Variants in MALRD1 observed in about 807,000 individuals in gnomAD.
MALRD1 encodes MAM and LDL-receptor class A domain-containing protein 1.
MALRD1 carries 247 observed loss-of-function variants against 242.1 expected under a neutral mutation model. That is an observed-to-expected ratio of 1.02 (90% confidence interval 0.92 to 1.13). The LOEUF (loss-of-function observed/expected upper bound fraction) is 1.13, where lower values mean the gene tolerates loss of function less well. MALRD1 is among the 50% of genes most tolerant of loss of function. MALRD1 has a pLI of 0.00. For synonymous variants in MALRD1, 995 were observed against 866.6 expected (o/e 1.15, Z -2.60); for missense variants, 2,989 against 2,533.1 (o/e 1.18, Z -3.86).
chr10:19,684,094 C>T (rs562277805), intron 36 of MALRD1, among the ~76,000 whole-genome samples: 26 of 152,232 alleles, frequency 1.7e-4, no homozygotes, highest in Non-Finnish European at 3.1e-4. Context: ...GCTTCATCCA[C>T]GTTCCTGAAA....
intron 5 of MALRD1, among the ~76,000 whole-genome samples, chr10:19,108,388 T>TAA (rs1564396494): frequency 2.6e-4 from 2 of 7,782 alleles, no homozygotes; most frequent in African/African-American, 3.8e-3. Context: ...TTGTTTTTTC[T>TAA]TTTTTTTTTT....
intron 25 of MALRD1, among the ~76,000 whole-genome samples, chr10:19,350,149 T>A (rs1262290936): frequency 6.6e-6 from 1 of 151,996 alleles, no homozygotes; most frequent in East Asian, 1.9e-4. Context: ...CTTCATCTTG[T>A]GGAATACCTT....
intron 18 of MALRD1, among the ~76,000 whole-genome samples, chr10:19,214,324 G>C (rs182006116): frequency 2.4e-4 from 37 of 152,282 alleles, no homozygotes; most frequent in African/African-American, 8.7e-4. Context: ...GGCTCACCTT[G>C]TTTGAGACTG....
intron 24 of MALRD1, among the ~76,000 whole-genome samples, chr10:19,332,175 T>TG (rs1843405163): frequency 7.7e-5 from 2 of 26,072 alleles, no homozygotes; most frequent in Non-Finnish European, 8.6e-5. Flanking sequence ...GAAATAAATG[T>TG]TGTTTTTTTT....
At chr10:19,610,555 A>G (rs1838849194) in intron 35 of MALRD1, among the ~76,000 whole-genome samples, 1 of 151,990 alleles carries the variant, frequency 6.6e-6, no homozygotes, top group South Asian at 2.1e-4. Flanking sequence ...CTAGGTGTAT[A>G]TATCTCTTCA....
intron 21 of MALRD1, among the ~76,000 whole-genome samples, chr10:19,293,309 A>T (rs979141617): frequency 3.3e-5 from 5 of 152,216 alleles, no homozygotes; most frequent in Non-Finnish European, 7.3e-5. Context: ...CACCAAATGC[A>T]AGTATGTAGT....
At chr10:19,480,151 G>A (rs1005018184) in intron 29 of MALRD1, among the ~76,000 whole-genome samples, 5 of 152,202 alleles carry the variant, frequency 3.3e-5, no homozygotes, top group African/African-American at 1.2e-4. Flanking sequence ...GATGCTTATC[G>A]TGAGATTGCT....
intron 26 of MALRD1, among the ~76,000 whole-genome samples, chr10:19,382,075 T>G (rs1457034754): frequency 6.6e-6 from 1 of 152,158 alleles, no homozygotes; most frequent in Non-Finnish European, 1.5e-5. Flanking sequence ...CTCCAGTCTA[T>G]ACCCTTAATG....
chr10:19,482,978 A>G (rs1241791524), intron 29 of MALRD1, among the ~76,000 whole-genome samples: 1 of 152,058 alleles, frequency 6.6e-6, no homozygotes, highest in East Asian at 1.9e-4. Flanking sequence ...AAGAGCCCAA[A>G]TAGCCAGAGT....
At chr10:19,238,841 A>G (rs1330921572) in intron 18 of MALRD1, among the ~76,000 whole-genome samples, 1 of 151,396 alleles carries the variant, frequency 6.6e-6, no homozygotes, top group African/African-American at 2.4e-5. Context: ...AATCCCATCA[A>G]CAGTGTGTAA....
chr10:19,454,840 C>T (rs1835561327), intron 29 of MALRD1, among the ~76,000 whole-genome samples: 1 of 151,894 alleles, frequency 6.6e-6, no homozygotes, highest in Admixed American at 6.6e-5. Flanking sequence ...ATATTTCTTT[C>T]TTACTTTCTA....
At chr10:19,498,362 C>A in intron 30 of MALRD1, 123 bp from the exon 31 acceptor site, 1 of 823,052 alleles carries the variant, frequency 1.2e-6, no homozygotes, top group Non-Finnish European at 1.9e-6. Context: ...TGTCTTGATG[C>A]TGTAAGTGTA....
chr10:19,066,271 A>C (rs1056774880), intron 1 of MALRD1, among the ~76,000 whole-genome samples: 4 of 152,192 alleles, frequency 2.6e-5, no homozygotes, highest in African/African-American at 9.6e-5. Context: ...CATTGATTGA[A>C]TCCAAAGATG....
chr10:19,489,147 C>T (rs1393808022), intron 29 of MALRD1: 1 of 468,398 alleles, frequency 2.1e-6, no homozygotes, highest in African/African-American at 2.0e-5. Context: ...CAGGAAAAGC[C>T]TAACAGGAGG....
chr10:19,391,339 G>A (rs919415786), intron 28 of MALRD1, among the ~76,000 whole-genome samples: 5 of 152,074 alleles, frequency 3.3e-5, no homozygotes, highest in African/African-American at 1.2e-4. Context: ...ATGAATATTA[G>A]GGCAATCATT....
At chr10:19,554,144 T>C (rs1042841567) in intron 32 of MALRD1, among the ~76,000 whole-genome samples, 1 of 152,196 alleles carries the variant, frequency 6.6e-6, no homozygotes, top group Admixed American at 6.5e-5. Context: ...ATTAGTCCAC[T>C]TGTGTTGCTA....
At chr10:19,116,739 G>T (rs1588568259) in intron 5 of MALRD1, among the ~76,000 whole-genome samples, 1 of 152,140 alleles carries the variant, frequency 6.6e-6, no homozygotes. Flanking sequence ...ACTGATGGAG[G>T]ATTTGAAAAC....
At chr10:19,410,020 A>C (rs1187948703) in intron 28 of MALRD1, among the ~76,000 whole-genome samples, 2 of 152,288 alleles carry the variant, frequency 1.3e-5, no homozygotes, top group East Asian at 3.9e-4. Context: ...ATATCATCAC[A>C]AAATGGACAA....
intron 13 of MALRD1, among the ~76,000 whole-genome samples, chr10:19,173,448 T>C (rs1835095573): frequency 6.6e-6 from 1 of 152,142 alleles, no homozygotes; most frequent in African/African-American, 2.4e-5. Context: ...TTTGAGTGTC[T>C]CTCTAGGATA....
Sources: gnomAD v4.1 joint callset for allele counts (sites outside exome capture counted in the v4.1 genomes callset) on GRCh38, gnomAD v4.1.1 for gene constraint, MANE v1.5 for transcripts, NCBI Gene and HGNC (gene_info 2026-07-23, HGNC 2026-07-21) for gene names.